FHIT: variants seen among roughly 807,000 people sequenced by gnomAD.
FHIT encodes the protein bis(5'-adenosyl)-triphosphatase.
In FHIT, 19 loss-of-function variants were observed where a neutral mutation model predicts 17.9. The ratio of observed to expected loss-of-function variants is 1.06; its 90% confidence interval spans 0.74 to 1.56. The LOEUF (loss-of-function observed/expected upper bound fraction) is 1.56, where lower values mean the gene tolerates loss of function less well. Ranked by LOEUF, FHIT falls within the 40% of genes most tolerant of loss-of-function variation. The pLI is 0.00. For synonymous variants in FHIT, 81 were observed against 69.7 expected (o/e 1.16, Z -0.81); for missense variants, 248 against 189.2 (o/e 1.31, Z -1.82).
chr3:60,857,667 A>G (rs1703445197), intron 3 of FHIT, among the ~76,000 whole-genome samples: 1 of 152,246 alleles, frequency 6.6e-6, no homozygotes, highest in Non-Finnish European at 1.5e-5. Context: ...CTGGTGGCTC[A>G]TGCCTGTAAT....
intron 3 of FHIT, among the ~76,000 whole-genome samples, chr3:60,834,993 T>C (rs997372427): frequency 2.6e-5 from 4 of 152,112 alleles, no homozygotes; most frequent in African/African-American, 4.8e-5. Flanking sequence ...TGTGTTTATG[T>C]GAAATCTAAG....
intron 5 of FHIT, among the ~76,000 whole-genome samples, chr3:60,149,430 C>T (rs899428634): frequency 2.0e-5 from 3 of 151,486 alleles, no homozygotes; most frequent in African/African-American, 4.9e-5. Flanking sequence ...AAATTCTATT[C>T]TAGGGTTTTG....
intron 4 of FHIT, among the ~76,000 whole-genome samples, chr3:60,582,273 G>A (rs984746870): frequency 1.3e-5 from 2 of 152,038 alleles, no homozygotes; most frequent in Non-Finnish European, 2.9e-5. Flanking sequence ...CCCATGTGGG[G>A]GGCGACTAGT....
At chr3:60,350,505 T>C (rs1396421201) in intron 5 of FHIT, among the ~76,000 whole-genome samples, 1 of 152,138 alleles carries the variant, frequency 6.6e-6, no homozygotes, top group African/African-American at 2.4e-5. Flanking sequence ...AACCATTATG[T>C]AGAACAAATA....
intron 1 of FHIT, among the ~76,000 whole-genome samples, chr3:61,202,278 C>G (rs945005119): frequency 2.0e-5 from 3 of 150,350 alleles, no homozygotes; most frequent in East Asian, 3.9e-4. Context: ...GTGAGGGGCC[C>G]CTCTGCCTGG....
At chr3:60,916,845 T>G (rs1360834801) in intron 3 of FHIT, among the ~76,000 whole-genome samples, 2 of 152,162 alleles carry the variant, frequency 1.3e-5, no homozygotes, top group African/African-American at 4.8e-5. Context: ...CTGATGAAGT[T>G]TGTAATATAA....
intron 5 of FHIT, among the ~76,000 whole-genome samples, chr3:60,215,556 C>T (rs1256448792): frequency 6.6e-6 from 1 of 151,842 alleles, no homozygotes; most frequent in Admixed American, 6.6e-5. Flanking sequence ...GAGTGGTACT[C>T]CATCTCAAAA....
intron 4 of FHIT, among the ~76,000 whole-genome samples, chr3:60,736,554 T>A (rs1577138968): frequency 6.6e-6 from 1 of 152,166 alleles, no homozygotes; most frequent in East Asian, 1.9e-4. Flanking sequence ...AGACCACATA[T>A]CATATGATTC....
intron 5 of FHIT, among the ~76,000 whole-genome samples, chr3:60,101,459 C>G (rs1378247363): frequency 1.3e-5 from 2 of 152,214 alleles, no homozygotes; most frequent in Non-Finnish European, 2.9e-5. Context: ...GTGTCACCTT[C>G]AGAAAGTCCT....
intron 7 of FHIT, among the ~76,000 whole-genome samples, chr3:59,943,073 A>C (rs1706611226): frequency 6.6e-6 from 1 of 152,046 alleles, no homozygotes; most frequent in Non-Finnish European, 1.5e-5. Context: ...TATATTACTA[A>C]GAAGAAAAAC....
At chr3:60,212,167 T>C (rs1367986731) in intron 5 of FHIT, among the ~76,000 whole-genome samples, 1 of 152,172 alleles carries the variant, frequency 6.6e-6, no homozygotes, top group Non-Finnish European at 1.5e-5. Flanking sequence ...ATTGTATTTC[T>C]AGCTTTCACT....
At chr3:60,441,719 T>C (rs2030826647) in intron 5 of FHIT, among the ~76,000 whole-genome samples, 2 of 35,726 alleles carry the variant, frequency 5.6e-5, no homozygotes, top group Non-Finnish European at 1.2e-4. Context: ...TATATATATA[T>C]ATATTTGTAT....
At chr3:60,374,963 G>C (rs1014657371) in intron 5 of FHIT, among the ~76,000 whole-genome samples, 2 of 152,024 alleles carry the variant, frequency 1.3e-5, no homozygotes, top group African/African-American at 4.8e-5. Context: ...ATAAAGAGTT[G>C]AGTCAGGGAA....
intron 5 of FHIT, among the ~76,000 whole-genome samples, chr3:60,034,424 A>C (rs1024336793): frequency 1.3e-5 from 2 of 152,240 alleles, no homozygotes; most frequent in African/African-American, 4.8e-5. Flanking sequence ...GTAGGCAAGA[A>C]GATGATATGA....
chr3:60,890,464 A>C (rs1388598662), intron 3 of FHIT, among the ~76,000 whole-genome samples: 2 of 152,218 alleles, frequency 1.3e-5, no homozygotes, highest in Admixed American at 1.3e-4. Context: ...AACCTTGAAA[A>C]ATAATGAATC....
intron 8 of FHIT, among the ~76,000 whole-genome samples, chr3:59,837,892 G>T (rs188020776): frequency 7.9e-5 from 12 of 152,212 alleles, no homozygotes; most frequent in Middle Eastern, 3.4e-3. Context: ...TGCCCCAGAA[G>T]GTTGTGGACA....
At chr3:60,514,038 T>C (rs1363816851) in intron 5 of FHIT, among the ~76,000 whole-genome samples, 1 of 152,130 alleles carries the variant, frequency 6.6e-6, no homozygotes, top group Non-Finnish European at 1.5e-5. Context: ...AAGATTATCT[T>C]CCCACTCCAT....
At chr3:60,744,719 G>T (rs1225234350) in intron 4 of FHIT, among the ~76,000 whole-genome samples, 1 of 152,118 alleles carries the variant, frequency 6.6e-6, no homozygotes, top group Non-Finnish European at 1.5e-5. Flanking sequence ...TAGCCTTCCT[G>T]CATCTGAATA....
chr3:60,327,376 CA>C (rs1709748045), intron 5 of FHIT, among the ~76,000 whole-genome samples: 1 of 152,162 alleles, frequency 6.6e-6, no homozygotes, highest in Non-Finnish European at 1.5e-5. Flanking sequence ...TTAGGCTTTG[CA>C]AGCCATACAA....
Sources: gnomAD v4.1 joint callset for allele counts (sites outside exome capture counted in the v4.1 genomes callset) on GRCh38, gnomAD v4.1.1 for gene constraint, MANE v1.5 for transcripts, NCBI Gene and HGNC (gene_info 2026-07-23, HGNC 2026-07-21) for gene names.